The following ZBTB20 variants were observed in gnomAD, a reference collection of about 807,000 sequenced individuals.
ZBTB20 encodes the protein zinc finger and BTB domain-containing protein 20.
Under a neutral mutation model 56.9 loss-of-function variants are expected in ZBTB20, and 9 were observed. The ratio of observed to expected loss-of-function variants is 0.16; its 90% confidence interval spans 0.10 to 0.28. The LOEUF is 0.28. Among genes scored for constraint, ZBTB20 ranks in the 10% least tolerant of loss-of-function variants. ZBTB20 has a pLI of 1.00. For synonymous variants in ZBTB20, 417 were observed against 420.7 expected (o/e 0.99, Z 0.11); for missense variants, 655 against 1,003.0 (o/e 0.65, Z 4.69).
At chr3:114,914,822 A>G (rs1308178683) in intron 3 of ZBTB20, among the ~76,000 whole-genome samples, 1 of 151,864 alleles carries the variant, frequency 6.6e-6, no homozygotes, top group Non-Finnish European at 1.5e-5. Flanking sequence ...CATCAACTGA[A>G]ATAATCATAT....
At chr3:115,100,270 AT>A in intron 1 of ZBTB20, 1 of 151,874 alleles carries the variant, frequency 6.6e-6, no homozygotes, top group Non-Finnish European at 1.5e-5. Context: ...TAATGAGTCC[AT>A]TTTCCTGCTC....
chr3:114,584,629 G>A (rs1239811140), intron 6 of ZBTB20, among the ~76,000 whole-genome samples: 1 of 152,096 alleles, frequency 6.6e-6, no homozygotes, highest in African/African-American at 2.4e-5. Context: ...TATTTGGGAT[G>A]GGAGTAAAAC....
At chr3:114,875,788 T>C (rs2076169644) in intron 4 of ZBTB20, among the ~76,000 whole-genome samples, 2 of 152,186 alleles carry the variant, frequency 1.3e-5, no homozygotes, top group Admixed American at 1.3e-4. Context: ...CCAGTTCTGC[T>C]ACCTCAATAA....
intron 5 of ZBTB20, among the ~76,000 whole-genome samples, chr3:114,750,404 C>T (rs1300054005): frequency 1.3e-5 from 2 of 151,894 alleles, no homozygotes; most frequent in African/African-American, 2.4e-5. Context: ...GACTCTAAAG[C>T]AATAGGTAAA....
Position 115,077,875 on chromosome 3 carries a change from C to T in ZBTB20, c.-702-6461G>A, listed in dbSNP as rs546796639. 9.2e-5 allele frequency among the ~76,000 whole-genome samples: 14 copies of T among 152,288 alleles called. 1 individual carries two copies. In the South Asian group the frequency reaches 2.9e-3, roughly 32 times the overall value. On this transcript the variant is annotated intron_variant, in intron 1 of 11. Transcript: ENST00000675478. ...ACTGTTATACAATTCAGAATTCTCA[C>T]TTTTAGGTATTTATCAAAAGAAACT...
intron 3 of ZBTB20, among the ~76,000 whole-genome samples, chr3:114,912,688 C>G (rs550906670): frequency 3.9e-5 from 6 of 152,008 alleles, no homozygotes; most frequent in East Asian, 3.9e-4. Flanking sequence ...TGATCAAATA[C>G]TAGATCTTAC....
At chr3:114,753,042 G>C (rs927304136) in intron 5 of ZBTB20, among the ~76,000 whole-genome samples, 13 of 151,908 alleles carry the variant, frequency 8.6e-5, no homozygotes, top group African/African-American at 3.1e-4. Context: ...GGTCCCCATG[G>C]AAAGAAGTTT....
intron 2 of ZBTB20, among the ~76,000 whole-genome samples, chr3:115,040,372 G>C (rs546764337): frequency 1.3e-5 from 2 of 152,066 alleles, no homozygotes; most frequent in African/African-American, 2.4e-5. Context: ...CTGTGCTCTG[G>C]GAGCACACTG....
At chr3:114,901,425 AAAC>A (rs2075114100) in intron 3 of ZBTB20, among the ~76,000 whole-genome samples, 1 of 152,168 alleles carries the variant, frequency 6.6e-6, no homozygotes, top group Non-Finnish European at 1.5e-5. Flanking sequence ...TGGCTCAATA[AAAC>A]AACATCTTCG....
At chr3:114,555,762 GT>G (rs2051138748) in intron 6 of ZBTB20, among the ~76,000 whole-genome samples, 2 of 152,150 alleles carry the variant, frequency 1.3e-5, no homozygotes, top group African/African-American at 4.8e-5. Context: ...AGTTGGGCTG[GT>G]ATGTGCATCA....
intron 7 of ZBTB20, among the ~76,000 whole-genome samples, chr3:114,399,358 T>C (rs1322621878): frequency 2.0e-5 from 3 of 152,158 alleles, no homozygotes; most frequent in Admixed American, 1.3e-4. Flanking sequence ...GAATGTTTAC[T>C]TGTGTTTACC....
intron 5 of ZBTB20, among the ~76,000 whole-genome samples, chr3:114,799,856 G>A (rs1302542657): frequency 6.6e-6 from 1 of 151,890 alleles, no homozygotes. Flanking sequence ...TAACAAAAAT[G>A]AACTTAGCAG....
At chr3:114,910,565 A>G (rs1000898494) in intron 3 of ZBTB20, among the ~76,000 whole-genome samples, 1 of 152,026 alleles carries the variant, frequency 6.6e-6, no homozygotes, top group Non-Finnish European at 1.5e-5. Flanking sequence ...AGAAAAAGAA[A>G]AGTAACAATA....
intron 1 of ZBTB20, among the ~76,000 whole-genome samples, chr3:115,110,362 CTTTTAT>C (rs759043516): frequency 6.6e-6 from 1 of 152,142 alleles, no homozygotes; most frequent in African/African-American, 2.4e-5. Flanking sequence ...GAAATGGTAT[CTTTTAT>C]TTTTAAGAAA....
intron 5 of ZBTB20, among the ~76,000 whole-genome samples, chr3:114,778,673 G>A (rs1320714634): frequency 6.6e-6 from 1 of 152,122 alleles, no homozygotes; most frequent in African/African-American, 2.4e-5. Context: ...GAGAAGAACT[G>A]AGAAAATCAA....
intron 5 of ZBTB20, among the ~76,000 whole-genome samples, chr3:114,744,295 T>C (rs1256449240): frequency 6.6e-6 from 1 of 152,162 alleles, no homozygotes; most frequent in Non-Finnish European, 1.5e-5. Flanking sequence ...AGTATTCCTC[T>C]TCCTCACCTC....
chr3:114,410,185 A>G (rs1354202693), intron 7 of ZBTB20, among the ~76,000 whole-genome samples: 1 of 152,100 alleles, frequency 6.6e-6, no homozygotes, highest in Non-Finnish European at 1.5e-5. Flanking sequence ...TGGCTCTGAG[A>G]ATCAGCGAAC....
intron 1 of ZBTB20, among the ~76,000 whole-genome samples, chr3:115,093,633 T>C (rs887192081): frequency 1.3e-5 from 2 of 152,196 alleles, no homozygotes; most frequent in African/African-American, 4.8e-5. Context: ...CAGCATGTGA[T>C]GCTGTTTGGG....
At chr3:114,582,272 A>C (rs977129358) in intron 6 of ZBTB20, 8 of 152,236 alleles carry the variant, frequency 5.3e-5, no homozygotes, top group African/African-American at 1.9e-4. Context: ...GTAACCTATA[A>C]TAAAATAATA....
Sources: allele counts gnomAD v4.1 joint callset (sites outside exome capture counted in the v4.1 genomes callset), GRCh38; gene constraint gnomAD v4.1.1; transcripts MANE v1.5; gene names NCBI Gene and HGNC (gene_info 2026-07-23, HGNC 2026-07-21).